Variants in ZC3H3 observed in about 807,000 individuals in gnomAD.
The protein encoded by ZC3H3 is zinc finger CCCH domain-containing protein 3.
Under a neutral mutation model 77.3 loss-of-function variants are expected in ZC3H3, and 36 were observed. The observed-to-expected ratio is 0.47, with a 90% confidence interval of 0.36 to 0.61. The LOEUF is 0.61. Ranked by LOEUF, ZC3H3 falls within the 20% of genes least tolerant of loss-of-function variation. The pLI, the probability that ZC3H3 is intolerant of heterozygous loss-of-function variation, is 0.00. For synonymous variants in ZC3H3, 626 were observed against 555.2 expected, an observed-to-expected ratio of 1.13 and a Z score of -1.79; for missense variants, 1,331 against 1,312.2, an observed-to-expected ratio of 1.01 and a Z score of -0.22.
chr8:143,455,592 AG>A (rs968045597), intron 9 of ZC3H3, among the ~76,000 whole-genome samples: 6 of 152,210 alleles, frequency 3.9e-5, no homozygotes, highest in African/African-American at 1.4e-4. Context: ...TTGTGAAGAA[AG>A]AAAAAAAGAA....
intron 3 of ZC3H3, among the ~76,000 whole-genome samples, chr8:143,516,525 T>TCACACACACACACACA (rs57359541): frequency 2.9e-5 from 4 of 139,918 alleles, no homozygotes; most frequent in Non-Finnish European, 6.2e-5. Context: ...AACTTTGCAA[T>TCACACACACACACACA]CACACACACA....
rs114795889 is a variant in ZC3H3, at chr8:143,538,040, T to C, written c.1327A>G (p.Ser443Gly). 782 of 1,612,078 alleles carry C rather than the reference T, an allele frequency of 4.9e-4. 1 individual carries two copies. Among genetic ancestry groups the C allele is most frequent in the Non-Finnish European group, 2.4e-4 (286 of 1,179,458 alleles). Residue 443 changes from serine (S) to glycine (G), a missense_variant, in exon 2 of 12, where the codon AGC becomes GGC. By Grantham distance (56) the Ser-to-Gly change is moderately conservative. Transcript: ENST00000262577. ...CGTCTCCGGATGATCTTGGTGCGGC[T>C]CTTCACTTTGTAAGCCGAGAGCGGG... ...ETPLSAYKVK[S>G]RTKIIRRRSS...
intron 3 of ZC3H3, among the ~76,000 whole-genome samples, chr8:143,528,438 C>T (rs1181090224): frequency 6.6e-6 from 1 of 152,220 alleles, no homozygotes; most frequent in Non-Finnish European, 1.5e-5. Flanking sequence ...CCACCCATGC[C>T]TCACATTCCA....
At chr8:143,442,880 T>C (rs1819782540) in intron 9 of ZC3H3, among the ~76,000 whole-genome samples, 1 of 152,254 alleles carries the variant, frequency 6.6e-6, no homozygotes, top group African/African-American at 2.4e-5. Flanking sequence ...AGGTGGCTAC[T>C]AGAAAAGCTG....
At chr8:143,465,207 A>C (rs1820375190) in intron 9 of ZC3H3, among the ~76,000 whole-genome samples, 1 of 151,650 alleles carries the variant, frequency 6.6e-6, no homozygotes, top group African/African-American at 2.4e-5. Flanking sequence ...GCGCCAGCTC[A>C]CTCCACCCTT....
chr8:143,530,169 C>T lies in ZC3H3; in HGVS notation c.1561+6088G>A, dbSNP rs1822556417. The stretch of plus-strand genomic sequence containing the variant: ...GGCCTCGACCCAGCCTGGTTGTCCA[C>T]ACGAGACCACCACGCAAGCCAGGCC... On this transcript the variant is annotated intron_variant, in intron 3 of 11. Transcript: ENST00000262577. The surrounding 1 kb of genome is among the most constrained non-coding windows in gnomAD (Gnocchi z 4.3). Among the ~76,000 whole-genome samples the T allele has an allele frequency of 6.6e-6, 1 of 152,156 alleles. No individual in the cohort carries two copies. Among genetic ancestry groups the T allele is most frequent in the Non-Finnish European group, 1.5e-5 (1 of 68,020 alleles).
intron 9 of ZC3H3, among the ~76,000 whole-genome samples, chr8:143,454,821 T>A (rs759190916): frequency 2.0e-5 from 3 of 152,198 alleles, no homozygotes; most frequent in Non-Finnish European, 2.9e-5. Flanking sequence ...CCACACTGTA[T>A]ACACGACCTA....
chr8:143,517,676 C>T (rs1032592835), intron 3 of ZC3H3, among the ~76,000 whole-genome samples: 3 of 152,206 alleles, frequency 2.0e-5, no homozygotes, highest in African/African-American at 7.2e-5. Context: ...AACCCCAGGC[C>T]TGCGGCTCAC....
chr8:143,532,698 T>C (rs980987874), intron 3 of ZC3H3, among the ~76,000 whole-genome samples: 1 of 152,204 alleles, frequency 6.6e-6, no homozygotes, highest in Non-Finnish European at 1.5e-5. Flanking sequence ...AGAAGCCCAC[T>C]GGCCAAGGCA....
intron 9 of ZC3H3, among the ~76,000 whole-genome samples, chr8:143,446,063 C>T (rs77377275): frequency 3.3e-5 from 5 of 152,262 alleles, no homozygotes; most frequent in East Asian, 1.9e-4. Flanking sequence ...GCAGACCTCA[C>T]GACAGGAGGG....
rs747207273 is a variant in ZC3H3, at chr8:143,539,065, C to T, written c.302G>A (p.Gly101Asp). The T allele has an allele frequency of 1.2e-6, 2 of 1,612,724 alleles. No homozygotes were observed. The highest frequency in any genetic ancestry group is 1.1e-5 in the South Asian group (1 of 91,066). The change falls in exon 2 of 12, where the codon GGC (glycine) becomes GAC (aspartate). Residue 101 changes from glycine (G) to aspartate (D), a missense_variant. Transcript: ENST00000262577. ...ATGCTGCTGCGGGACAGGAGGCTGG[C>T]CCCCCCGGGCCCCGTGCAACGGCCG... Reference protein sequence around the residue: ...AVRPLHGARGGQPPVPQQHVL... With the variant: ...AVRPLHGARGDQPPVPQQHVL...
chr8:143,439,678 C>T (rs895746897), intron 11 of ZC3H3, among the ~76,000 whole-genome samples: 6 of 152,240 alleles, frequency 3.9e-5, no homozygotes, highest in Admixed American at 2.6e-4. Context: ...GCTACACTCG[C>T]ACCTTGGCTG....
rs111567001 is a variant in ZC3H3 at position 143,474,286 on chromosome 8, G to C, written c.1903+1112C>G. Among the ~76,000 whole-genome samples the C allele has an allele frequency of 3.4e-4, 51 of 150,534 alleles. No homozygotes were observed. In the South Asian group the frequency reaches 8.6e-3, roughly 25 times the overall value. Reference sequence around the variant, plus strand: ...GCACACACAGGGGTGACACAGTGCCGAGGAAGGGACCCAGGGCTTCTCACC... The same window carrying C: ...GCACACACAGGGGTGACACAGTGCCCAGGAAGGGACCCAGGGCTTCTCACC... On this transcript the variant is annotated intron_variant, in intron 5 of 11. Coordinates refer to ENST00000262577, the MANE Select transcript of ZC3H3 (RefSeq NM_015117.3).
chr8:143,464,201 C>T (rs564137172), intron 9 of ZC3H3, among the ~76,000 whole-genome samples: 70 of 152,384 alleles, frequency 4.6e-4, no homozygotes, highest in Middle Eastern at 6.8e-3. Flanking sequence ...CGCCGCGGCG[C>T]GGACACACGG....
rs937671532 is a variant in ZC3H3, at chr8:143,538,113, G to A, written c.1254C>T (p.Asp418=). 2 of 1,613,178 alleles carry A rather than the reference G, an allele frequency of 1.2e-6. No individual in the cohort carries two copies. The highest frequency in any genetic ancestry group is 8.5e-7 in the Non-Finnish European group (1 of 1,180,028). Reference sequence around the variant, plus strand: ...AGCCACTGTGTCCTACTGCTGGTCTGTCCCCCGACGGGGACCTAGACAGGA... The same window carrying A: ...AGCCACTGTGTCCTACTGCTGGTCTATCCCCCGACGGGGACCTAGACAGGA... ...SPVLSRSPSG[D]RPAVGHSGLK... Residue 418 remains aspartate, a synonymous_variant, in exon 2 of 12, where the codon GAC becomes GAT. Transcript: ENST00000262577.
chr8:143,492,817 G>A (rs1821246364), intron 4 of ZC3H3, among the ~76,000 whole-genome samples: 1 of 106,696 alleles, frequency 9.4e-6, no homozygotes, highest in African/African-American at 4.1e-5. Flanking sequence ...TCAGGGTCCC[G>A]TGTCCTGGCC....
intron 3 of ZC3H3, among the ~76,000 whole-genome samples, chr8:143,517,025 T>C (rs774803522): frequency 2.0e-4 from 30 of 152,158 alleles, no homozygotes; most frequent in Non-Finnish European, 3.8e-4. Flanking sequence ...ATGACAACAC[T>C]GTCAGCTGGA....
intron 9 of ZC3H3, among the ~76,000 whole-genome samples, chr8:143,463,782 T>C (rs544372897): frequency 1.7e-3 from 259 of 152,228 alleles, no homozygotes; most frequent in Non-Finnish European, 2.6e-3. Flanking sequence ...CCCGCAGGTG[T>C]GTACAAACAG....
intron 3 of ZC3H3, among the ~76,000 whole-genome samples, chr8:143,511,135 C>T (rs1367581730): frequency 6.6e-6 from 1 of 152,242 alleles, no homozygotes; most frequent in African/African-American, 2.4e-5. Flanking sequence ...AGGCCGGGGA[C>T]CAGGTGGGAC....
Sources: allele counts gnomAD v4.1 joint callset (sites outside exome capture counted in the v4.1 genomes callset), GRCh38; gene constraint gnomAD v4.1.1; non-coding constraint Gnocchi (gnomAD v3.1); transcripts MANE v1.5; gene names NCBI Gene and HGNC (gene_info 2026-07-23, HGNC 2026-07-21).